The following ROBO1 variants were observed in gnomAD, a reference collection of about 807,000 sequenced individuals.
ROBO1 encodes roundabout guidance receptor 1.
ROBO1 carries 149 observed loss-of-function variants against 195.9 expected under a neutral mutation model. The observed-to-expected ratio is 0.76, with a 90% CI of 0.67 to 0.87. The LOEUF (loss-of-function observed/expected upper bound fraction) is 0.87, where lower values mean the gene tolerates loss of function less well. Among genes scored for constraint, ROBO1 ranks in the 40% least tolerant of loss-of-function variants. ROBO1 has a pLI of 0.00. For synonymous variants in ROBO1, 816 were observed against 733.2 expected, an observed-to-expected ratio of 1.11 and a Z score of -1.82; for missense variants, 1,933 against 2,068.3, an observed-to-expected ratio of 0.93 and a Z score of 1.27.
intron 2 of ROBO1, among the ~76,000 whole-genome samples, chr3:79,164,979 C>T (rs549905632): frequency 5.3e-5 from 8 of 152,240 alleles, no homozygotes; most frequent in East Asian, 3.9e-4. Flanking sequence ...CACCCCTAAC[C>T]TTATCATTTT....
intron 2 of ROBO1, among the ~76,000 whole-genome samples, chr3:79,445,278 A>T (rs1575834379): frequency 6.6e-6 from 1 of 151,874 alleles, no homozygotes; most frequent in African/African-American, 2.4e-5. Context: ...ACATATATGT[A>T]TATATTCAGT....
chr3:79,596,968 A>G, intron 1 of ROBO1, among the ~76,000 whole-genome samples: 1 of 152,086 alleles, frequency 6.6e-6, no homozygotes, highest in East Asian at 1.9e-4. Context: ...GGTGGAGAAA[A>G]AAATAGAAAT....
At chr3:78,659,323 T>C (rs1707234005) in intron 17 of ROBO1, among the ~76,000 whole-genome samples, 1 of 152,196 alleles carries the variant, frequency 6.6e-6, no homozygotes, top group African/African-American at 2.4e-5. Context: ...AATTTGTTTT[T>C]AAAAATCTTT....
intron 3 of ROBO1, among the ~76,000 whole-genome samples, chr3:79,013,183 C>T (rs527418723): frequency 2.5e-4 from 38 of 152,134 alleles, no homozygotes; most frequent in Non-Finnish European, 4.4e-4. Flanking sequence ...TGTCTCTCCA[C>T]AGGCTCTTCA....
At chr3:79,351,054 G>A (rs1275543374) in intron 2 of ROBO1, among the ~76,000 whole-genome samples, 1 of 152,124 alleles carries the variant, frequency 6.6e-6, no homozygotes, top group Non-Finnish European at 1.5e-5. Context: ...ATTTTCCCAT[G>A]AGTATGAGTA....
At chr3:79,047,354 T>C (rs2078613610) in intron 3 of ROBO1, among the ~76,000 whole-genome samples, 2 of 151,834 alleles carry the variant, frequency 1.3e-5, no homozygotes, top group Non-Finnish European at 2.9e-5. Context: ...GAATGAGATA[T>C]ATTGAAGGAA....
chr3:79,037,496 T>G (rs1184100223), intron 3 of ROBO1, among the ~76,000 whole-genome samples: 4 of 152,188 alleles, frequency 2.6e-5, no homozygotes, highest in African/African-American at 9.6e-5. Context: ...ATTCTGTTAT[T>G]CACTCAAATA....
intron 25 of ROBO1, 46 bp from the exon 26 acceptor site, chr3:78,627,615 A>C (rs1448473425): frequency 6.5e-7 from 1 of 1,540,622 alleles, no homozygotes. Context: ...AGGTTATTCA[A>C]ATAAACTATT....
intron 26 of ROBO1, among the ~76,000 whole-genome samples, chr3:78,622,327 C>A (rs1262772370): frequency 3.3e-5 from 5 of 152,160 alleles, no homozygotes; most frequent in Non-Finnish European, 7.3e-5. Context: ...TAATGTATCA[C>A]ACTATCTGCA....
rs2082945979 is a variant in ROBO1, at chr3:79,261,969, T to G, written c.89-136430A>C. On this transcript the variant is annotated intron_variant, in intron 2 of 30. Transcript: ENST00000464233. ...AGACCTTTCTGGACAAATGTAAAAT[T>G]TATACTTTATCTGAGGGAATTATGG... Among the ~76,000 whole-genome samples the G allele has an allele frequency of 2.0e-5, 3 of 152,140 alleles. No individual in the cohort carries two copies. The South Asian group carries it at 6.2e-4, about 32-fold the overall frequency.
intron 1 of ROBO1, among the ~76,000 whole-genome samples, chr3:79,623,982 G>A (rs997462716): frequency 1.3e-5 from 2 of 152,186 alleles, no homozygotes; most frequent in Admixed American, 6.5e-5. Flanking sequence ...AAGCTCATTA[G>A]GCTACCAGCA....
chr3:78,890,604 A>T (rs1298037085), intron 4 of ROBO1, among the ~76,000 whole-genome samples: 2 of 152,016 alleles, frequency 1.3e-5, no homozygotes, highest in East Asian at 3.9e-4. Context: ...GCAAAAGGAT[A>T]TTTTTTTGTC....
intron 27 of ROBO1, among the ~76,000 whole-genome samples, chr3:78,616,111 A>C (rs551757347): frequency 6.6e-6 from 1 of 152,304 alleles, no homozygotes; most frequent in African/African-American, 2.4e-5. Context: ...AAGGCCATCC[A>C]CTGCTCACAG....
chr3:78,755,289 G>A (rs991205637), intron 4 of ROBO1, among the ~76,000 whole-genome samples: 3 of 152,108 alleles, frequency 2.0e-5, no homozygotes, highest in Non-Finnish European at 4.4e-5. Context: ...GAAACATAGT[G>A]AGACACTGTC....
chr3:78,849,509 G>C (rs2033897283), intron 4 of ROBO1, among the ~76,000 whole-genome samples: 2 of 152,028 alleles, frequency 1.3e-5, no homozygotes, highest in African/African-American at 4.8e-5. Context: ...CAAAGCAACA[G>C]TTAGTCTCTT....
intron 4 of ROBO1, among the ~76,000 whole-genome samples, chr3:78,808,258 G>A (rs1431624724): frequency 3.3e-5 from 5 of 152,136 alleles, no homozygotes; most frequent in East Asian, 1.9e-4. Flanking sequence ...AGGCTGGAGT[G>A]TGGTGGTGCA....
chr3:78,817,764 G>A (rs902336994), intron 4 of ROBO1, among the ~76,000 whole-genome samples: 14 of 152,148 alleles, frequency 9.2e-5, no homozygotes, highest in Admixed American at 3.9e-4. Flanking sequence ...GCTAGTTAAA[G>A]TTGCCAAGAA....
At chr3:79,225,722 C>T (rs2108838360) in intron 2 of ROBO1, among the ~76,000 whole-genome samples, 1 of 152,214 alleles carries the variant, frequency 6.6e-6, no homozygotes, top group Admixed American at 6.5e-5. Context: ...AAAACAAAAC[C>T]AAACAAATAA....
At chr3:79,034,110 C>A (rs2078342236) in intron 3 of ROBO1, among the ~76,000 whole-genome samples, 1 of 152,130 alleles carries the variant, frequency 6.6e-6, no homozygotes, top group African/African-American at 2.4e-5. Context: ...ATCTTTAAAT[C>A]TCTTGAGGCC....
Sources: allele counts gnomAD v4.1 joint callset (sites outside exome capture counted in the v4.1 genomes callset), GRCh38; gene constraint gnomAD v4.1.1; transcripts MANE v1.5; gene names NCBI Gene and HGNC (gene_info 2026-07-23, HGNC 2026-07-21).